Variants in CLSTN2 observed in about 807,000 individuals in gnomAD.
The protein encoded by CLSTN2 is calsyntenin 2, also known as calsyntenin-2.
In CLSTN2, 48 loss-of-function variants were observed where a neutral mutation model predicts 101.2. The observed-to-expected ratio is 0.47, with a 90% CI of 0.38 to 0.60. The LOEUF is 0.60. Ranked by LOEUF, CLSTN2 falls within the 20% of genes least tolerant of loss-of-function variation. The pLI, the probability that CLSTN2 is intolerant of heterozygous loss-of-function variation, is 0.00. For synonymous variants in CLSTN2, 481 were observed against 463.6 expected (o/e 1.04, Z -0.48); for missense variants, 1,160 against 1,238.2 (o/e 0.94, Z 0.95).
At chr3:140,513,599 T>TTTTG (rs1553750575) in intron 8 of CLSTN2, among the ~76,000 whole-genome samples, 4 of 148,640 alleles carry the variant, frequency 2.7e-5, no homozygotes, top group African/African-American at 9.9e-5. Flanking sequence ...TTTTTTTTTT[T>TTTTG]TGGGTGTGTG....
chr3:140,483,791 T>G (rs1934180552), intron 8 of CLSTN2, among the ~76,000 whole-genome samples: 1 of 152,090 alleles, frequency 6.6e-6, no homozygotes, highest in Non-Finnish European at 1.5e-5. Flanking sequence ...ATTTATTTAT[T>G]TATTTATTGC....
At chr3:140,500,424 G>T (rs560255263) in intron 8 of CLSTN2, among the ~76,000 whole-genome samples, 1 of 152,190 alleles carries the variant, frequency 6.6e-6, no homozygotes, top group Non-Finnish European at 1.5e-5. Flanking sequence ...TCCCATCATG[G>T]AACCAAAGTA....
At chr3:140,323,749 C>G (rs1237309714) in intron 2 of CLSTN2, among the ~76,000 whole-genome samples, 5 of 152,172 alleles carry the variant, frequency 3.3e-5, no homozygotes, top group Admixed American at 3.3e-4. Flanking sequence ...TTAACAAAGT[C>G]TGACTCAACT....
intron 2 of CLSTN2, among the ~76,000 whole-genome samples, chr3:140,285,838 A>G (rs1456161754): frequency 6.6e-6 from 1 of 152,164 alleles, no homozygotes. Flanking sequence ...TTTCCAGGAC[A>G]TGAGGCTCTT....
chr3:140,315,251 G>A (rs2087217363), intron 2 of CLSTN2, among the ~76,000 whole-genome samples: 1 of 152,126 alleles, frequency 6.6e-6, no homozygotes, highest in Non-Finnish European at 1.5e-5. Flanking sequence ...GTAAAATGAT[G>A]GGAAACCCTT....
At chr3:140,313,837 C>T (rs1344569932) in intron 2 of CLSTN2, among the ~76,000 whole-genome samples, 3 of 152,262 alleles carry the variant, frequency 2.0e-5, no homozygotes, top group African/African-American at 4.8e-5. Flanking sequence ...TGCCTCAGGC[C>T]TTTGGGAAGG....
chr3:139,972,649 ATTGC>A (rs1194170515), intron 1 of CLSTN2, among the ~76,000 whole-genome samples: 3 of 152,310 alleles, frequency 2.0e-5, no homozygotes, highest in African/African-American at 4.8e-5. Flanking sequence ...GGCCTAGTCC[ATTGC>A]TAGCACTCAG....
At chr3:140,410,306 A>G (rs1366229107) in intron 4 of CLSTN2, among the ~76,000 whole-genome samples, 1 of 151,900 alleles carries the variant, frequency 6.6e-6, no homozygotes, top group African/African-American at 2.4e-5. Context: ...AAGAAAAAAA[A>G]CATATACATG....
At chr3:139,978,889 G>A (rs1275069125) in intron 1 of CLSTN2, among the ~76,000 whole-genome samples, 5 of 152,184 alleles carry the variant, frequency 3.3e-5, no homozygotes, top group African/African-American at 1.2e-4. Flanking sequence ...GGAACATGGG[G>A]CAGAGGGAAG....
At chr3:140,294,432 C>T (rs1435395306) in intron 2 of CLSTN2, among the ~76,000 whole-genome samples, 1 of 152,196 alleles carries the variant, frequency 6.6e-6, no homozygotes, top group Non-Finnish European at 1.5e-5. Flanking sequence ...GCAGATGTCA[C>T]CTCCACCATT....
intron 1 of CLSTN2, among the ~76,000 whole-genome samples, chr3:140,100,912 AG>A (rs1217460639): frequency 6.6e-6 from 1 of 152,162 alleles, no homozygotes; most frequent in Non-Finnish European, 1.5e-5. Flanking sequence ...CTGGAGAAGA[AG>A]TCAAGCCTGC....
At chr3:140,532,645 T>C (rs349536) in intron 9 of CLSTN2, among the ~76,000 whole-genome samples, 159 bp downstream of exon 9, 55,857 of 152,118 alleles carry the variant, frequency 0.37, 11,682 homozygotes, top group African/African-American at 0.57. Context: ...AGTATAAATC[T>C]ACAAACTAAA....
intron 8 of CLSTN2, among the ~76,000 whole-genome samples, chr3:140,524,714 T>C (rs932026419): frequency 6.6e-6 from 1 of 152,030 alleles, no homozygotes; most frequent in Non-Finnish European, 1.5e-5. Flanking sequence ...CTCAATAATA[T>C]AAATACAAAA....
At chr3:140,237,205 G>A (rs776369348) in intron 2 of CLSTN2, among the ~76,000 whole-genome samples, 10 of 152,076 alleles carry the variant, frequency 6.6e-5, no homozygotes, top group Non-Finnish European at 1.5e-4. Flanking sequence ...TTGTTTTTAA[G>A]CATTTTTAAG....
intron 2 of CLSTN2, among the ~76,000 whole-genome samples, chr3:140,207,554 C>T (rs867904477): frequency 3.9e-5 from 6 of 152,096 alleles, no homozygotes; most frequent in Non-Finnish European, 5.9e-5. Flanking sequence ...GAACATGCTT[C>T]ACAAATTCAA....
chr3:140,157,490 T>G (rs1343682484), intron 1 of CLSTN2, among the ~76,000 whole-genome samples: 1 of 152,248 alleles, frequency 6.6e-6, no homozygotes, highest in Admixed American at 6.5e-5. Flanking sequence ...TTCTAGGAAT[T>G]TATCCATTTC....
At chr3:139,940,699 G>A (rs763548328) in intron 1 of CLSTN2, among the ~76,000 whole-genome samples, 6 of 152,072 alleles carry the variant, frequency 3.9e-5, no homozygotes, top group Non-Finnish European at 7.4e-5. Context: ...AAATGCACAT[G>A]CATACACACG....
chr3:140,135,113 CACACATATATATATAT>C lies in CLSTN2; in HGVS notation c.110-40836_110-40821del, dbSNP rs1205489650. ...ACACACACACACACACACACACACA[CACACATATATATATAT>C]ATATATATATATATATATATATATA... On this transcript the variant is annotated intron_variant, in intron 1 of 16. Coordinates refer to ENST00000458420, the MANE Select transcript of CLSTN2 (RefSeq NM_022131.3). Among the ~76,000 whole-genome samples the C allele has an allele frequency of 2.5e-4, 13 of 52,082 alleles. No individual in the cohort carries two copies. The South Asian group carries it at 6.5e-3, about 26-fold the overall frequency. The allele number at this position is 52,082 out of a possible 152,430, so 34.2% of individuals were successfully genotyped here. A position where few individuals can be genotyped will look rare whatever the true frequency, so the allele number is the denominator to read the frequency against.
intron 1 of CLSTN2, among the ~76,000 whole-genome samples, chr3:140,162,712 A>T (rs1449642916): frequency 6.6e-6 from 1 of 152,158 alleles, no homozygotes; most frequent in Admixed American, 6.5e-5. Flanking sequence ...AAATGCACAT[A>T]ACAGTTCACA....
Sources: gnomAD v4.1 joint callset for allele counts (sites outside exome capture counted in the v4.1 genomes callset) on GRCh38, gnomAD v4.1.1 for gene constraint, MANE v1.5 for transcripts, NCBI Gene and HGNC (gene_info 2026-07-23, HGNC 2026-07-21) for gene names.